Variants in TCF20 observed in about 807,000 individuals in gnomAD.
TCF20 encodes the protein transcription factor 20.
Under a neutral mutation model 148.6 loss-of-function variants are expected in TCF20, and 3 were observed. The ratio of observed to expected loss-of-function variants is 0.02; its 90% CI spans 0.01 to 0.05. The LOEUF (loss-of-function observed/expected upper bound fraction) is 0.05. Among genes scored for constraint, TCF20 ranks in the 10% least tolerant of loss-of-function variants. TCF20 has a pLI of 1.00. For synonymous variants in TCF20, 1,049 were observed against 909.5 expected (o/e 1.15, Z -2.76); for missense variants, 2,350 against 2,429.3 (o/e 0.97, Z 0.69).
chr22:42,163,771 C>A (rs1935607331), intron 5 of TCF20, among the ~76,000 whole-genome samples: 1 of 152,200 alleles, frequency 6.6e-6, no homozygotes, highest in Non-Finnish European at 1.5e-5. Context: ...GAGCGACCTG[C>A]CGCCCCTGTG....
At chr22:42,182,267 C>T (rs1031399952) in intron 2 of TCF20, among the ~76,000 whole-genome samples, 1 of 152,220 alleles carries the variant, frequency 6.6e-6, no homozygotes, top group Non-Finnish European at 1.5e-5. Flanking sequence ...GTTCCTCAAC[C>T]TACAGACGTG....
chr22:42,316,591 C>G (rs1389928963), intron 1 of TCF20, among the ~76,000 whole-genome samples: 2 of 152,210 alleles, frequency 1.3e-5, no homozygotes, highest in Admixed American at 6.5e-5. Context: ...GCATGCGCCA[C>G]CACGCCCGGC....
intron 2 of TCF20, among the ~76,000 whole-genome samples, chr22:42,193,758 A>C (rs1005603965): frequency 2.0e-5 from 3 of 152,176 alleles, no homozygotes; most frequent in African/African-American, 4.8e-5. Flanking sequence ...ATAGTTTCCC[A>C]AGAAGCCAAC....
intron 1 of TCF20, among the ~76,000 whole-genome samples, chr22:42,261,216 T>C (rs1926011965): frequency 6.6e-6 from 1 of 152,164 alleles, no homozygotes; most frequent in Non-Finnish European, 1.5e-5. Flanking sequence ...TGTATGAACA[T>C]GCCAATTTGT....
At chr22:42,321,317 G>A (rs1309535456) in intron 1 of TCF20, among the ~76,000 whole-genome samples, 1 of 152,222 alleles carries the variant, frequency 6.6e-6, no homozygotes, top group East Asian at 1.9e-4. Flanking sequence ...GGTGGCTCCA[G>A]CAGGGACTGG....
At chr22:42,194,191 C>T (rs1004057657) in intron 2 of TCF20, among the ~76,000 whole-genome samples, 1 of 152,162 alleles carries the variant, frequency 6.6e-6, no homozygotes, top group Non-Finnish European at 1.5e-5. Flanking sequence ...AGATCTTAAA[C>T]AGAGAATCTT....
intron 1 of TCF20, among the ~76,000 whole-genome samples, chr22:42,330,169 C>G (rs1483215166): frequency 2.6e-5 from 4 of 152,224 alleles, no homozygotes; most frequent in African/African-American, 9.6e-5. Flanking sequence ...AGGCTGGAGG[C>G]TGCAGAGGCC....
intron 1 of TCF20, among the ~76,000 whole-genome samples, chr22:42,295,609 A>C (rs546422783): frequency 3.2e-4 from 49 of 151,420 alleles, no homozygotes; most frequent in Non-Finnish European, 5.6e-4. Context: ...ACGCCCGGCT[A>C]ATTTTGTATT....
intron 2 of TCF20, among the ~76,000 whole-genome samples, chr22:42,185,137 G>C (rs770689878): frequency 2.6e-5 from 4 of 152,204 alleles, no homozygotes; most frequent in Non-Finnish European, 4.4e-5. Context: ...TCTCAGAGCA[G>C]CCTCAGAACA....
intron 1 of TCF20, among the ~76,000 whole-genome samples, chr22:42,235,913 A>G (rs960572099): frequency 9.9e-5 from 15 of 152,210 alleles, no homozygotes; most frequent in African/African-American, 3.4e-4. Context: ...AGTAAAAGAC[A>G]CCAGACATGG....
chr22:42,305,132 C>T (rs1317802474), intron 1 of TCF20, among the ~76,000 whole-genome samples: 1 of 152,048 alleles, frequency 6.6e-6, no homozygotes, highest in Non-Finnish European at 1.5e-5. Context: ...CCCATGCAGT[C>T]GTACAGCACT....
At chr22:42,265,005 T>C (rs1926208407) in intron 1 of TCF20, among the ~76,000 whole-genome samples, 1 of 152,204 alleles carries the variant, frequency 6.6e-6, no homozygotes, top group African/African-American at 2.4e-5. Flanking sequence ...AATAATGATA[T>C]TTTCCCTAGT....
intron 2 of TCF20, among the ~76,000 whole-genome samples, chr22:42,191,442 T>C (rs966340550): frequency 6.6e-6 from 1 of 152,060 alleles, no homozygotes; most frequent in African/African-American, 2.4e-5. Context: ...GCACCCACCA[T>C]CACGTCCAGC....
intron 1 of TCF20, among the ~76,000 whole-genome samples, chr22:42,322,863 G>A (rs899845445): frequency 6.6e-6 from 1 of 151,342 alleles, no homozygotes; most frequent in Admixed American, 6.6e-5. Flanking sequence ...CTCAGATCTG[G>A]ATCACTCACC....
At chr22:42,247,416 G>A (rs1260298257) in intron 1 of TCF20, among the ~76,000 whole-genome samples, 3 of 149,840 alleles carry the variant, frequency 2.0e-5, no homozygotes, top group African/African-American at 7.4e-5. Flanking sequence ...CTCCAGCCTG[G>A]GTGATAGAGC....
intron 1 of TCF20, among the ~76,000 whole-genome samples, chr22:42,314,873 C>T (rs754565959): frequency 2.0e-5 from 3 of 152,120 alleles, no homozygotes; most frequent in Non-Finnish European, 4.4e-5. Context: ...CCTCCAGCCC[C>T]GACCCAGGGA....
intron 1 of TCF20, among the ~76,000 whole-genome samples, chr22:42,217,724 T>C (rs1319639587): frequency 6.6e-6 from 1 of 152,188 alleles, no homozygotes; most frequent in Non-Finnish European, 1.5e-5. Context: ...AGCTGGAGGA[T>C]GCTGAAGACC....
chr22:42,161,405 TC>T, intron 5 of TCF20, 47 bp from the exon 6 acceptor site: 1 of 1,613,346 alleles, frequency 6.2e-7, no homozygotes, highest in East Asian at 2.2e-5. Flanking sequence ...CTCCACAGGG[TC>T]CACCACCAAC....
At chr22:42,321,868 A>G (rs1927738533) in intron 1 of TCF20, among the ~76,000 whole-genome samples, 1 of 151,300 alleles carries the variant, frequency 6.6e-6, no homozygotes, top group Non-Finnish European at 1.5e-5. Context: ...AATCGCTTGA[A>G]CCCAGGAGGC....
Sources: allele counts gnomAD v4.1 joint callset (sites outside exome capture counted in the v4.1 genomes callset), GRCh38; gene constraint gnomAD v4.1.1; transcripts MANE v1.5; gene names NCBI Gene and HGNC (gene_info 2026-07-23, HGNC 2026-07-21).